Variants in WDR93 observed in about 807,000 individuals in gnomAD.
WDR93 encodes the protein WD repeat domain 93.
A neutral mutation model predicts 82.9 loss-of-function variants in WDR93; 73 were observed. The observed-to-expected ratio is 0.88, with a 90% CI of 0.73 to 1.07. The LOEUF (loss-of-function observed/expected upper bound fraction) is 1.07. Ranked by LOEUF, WDR93 falls within the 50% of genes least tolerant of loss-of-function variation. The pLI is 0.00. For synonymous variants in WDR93, 283 were observed against 300.1 expected (o/e 0.94, Z 0.59); for missense variants, 738 against 826.0 (o/e 0.89, Z 1.31).
chr15:89,729,211 G>C, intron 10 of WDR93, 118 bp downstream of exon 10: 1 of 981,718 alleles, frequency 1.0e-6, no homozygotes. Context: ...GGAATGAAGA[G>C]GGGAGTTTGG....
chr15:89,719,468 A>C (rs1966421184), intron 7 of WDR93: 1 of 152,142 alleles, frequency 6.6e-6, no homozygotes, highest in Non-Finnish European at 1.5e-5. Flanking sequence ...TAATTTGTCC[A>C]TTTTGTCTAA....
chr15:89,728,902 T>C, intron 9 of WDR93, 121 bp from the exon 10 acceptor site: 2 of 857,346 alleles, frequency 2.3e-6, no homozygotes, highest in Non-Finnish European at 4.0e-6. Flanking sequence ...CTTCATGGCC[T>C]TCTTACCCCT....
intron 1 of WDR93, among the ~76,000 whole-genome samples, chr15:89,694,027 C>A (rs1749762495): frequency 6.6e-6 from 1 of 152,138 alleles, no homozygotes; most frequent in Admixed American, 6.5e-5. Flanking sequence ...TGTGTATGAG[C>A]ATTCTTATTG....
intron 9 of WDR93, among the ~76,000 whole-genome samples, chr15:89,728,029 C>T (rs1421160847): frequency 6.6e-6 from 1 of 151,744 alleles, no homozygotes; most frequent in Non-Finnish European, 1.5e-5. Context: ...TGCAGTGAGG[C>T]GAGATCACGC....
In WDR93 at chr15:89,736,860, T is replaced by C. The variant is rs867237796; in HGVS notation, c.1609-713T>C. ...AGGCTGGAGTGCAGTGGTGCAATCT[T>C]GGCTCACTGCAAGCTCTGCCTCCCG... On this transcript the variant is annotated intron_variant, in intron 14 of 16. Coordinates refer to ENST00000268130, the MANE Select transcript of WDR93 (RefSeq NM_020212.2). Among the ~76,000 whole-genome samples, 128 of 151,576 alleles carry C rather than the reference T, an allele frequency of 8.4e-4. 1 individual carries two copies. Among genetic ancestry groups the C allele is most frequent in the Middle Eastern group, 6.8e-3 (2 of 292 alleles).
At chr15:89,708,113 G>T (rs1415717387) in intron 4 of WDR93, among the ~76,000 whole-genome samples, 2 of 152,154 alleles carry the variant, frequency 1.3e-5, no homozygotes, top group African/African-American at 2.4e-5. Flanking sequence ...AAACAGATCT[G>T]TTGTTGCCTG....
chr15:89,720,513 C>T (rs908743151), intron 7 of WDR93, among the ~76,000 whole-genome samples: 4 of 152,078 alleles, frequency 2.6e-5, no homozygotes, highest in Non-Finnish European at 4.4e-5. Flanking sequence ...CCTCGTGATT[C>T]GCCCGCCTCG....
chr15:89,694,548 T>A (rs545632337), intron 1 of WDR93, among the ~76,000 whole-genome samples: 208 of 152,306 alleles, frequency 1.4e-3, no homozygotes, highest in African/African-American at 4.8e-3. Context: ...TTACTTCTTT[T>A]ATTACTGAGT....
At chr15:89,700,287 C>T (rs1034237582) in intron 1 of WDR93, among the ~76,000 whole-genome samples, 1 of 152,154 alleles carries the variant, frequency 6.6e-6, no homozygotes, top group Non-Finnish European at 1.5e-5. Flanking sequence ...ACTCTCCCCA[C>T]TAATTACTTC....
chr15:89,729,575 C>A, intron 10 of WDR93, 108 bp from the exon 11 acceptor site: 2 of 831,588 alleles, frequency 2.4e-6, no homozygotes, highest in Non-Finnish European at 2.0e-6. Context: ...CCACTTCAGA[C>A]TTCAAACCAG....
At chr15:89,730,883 C>CAAAA (rs577117534) in intron 11 of WDR93, among the ~76,000 whole-genome samples, 1 of 140,758 alleles carries the variant, frequency 7.1e-6, no homozygotes. Context: ...GGCCCTGTCT[C>CAAAA]AAAAAAAAAA....
At chr15:89,734,986 CTCCTTCCT>C (rs143651353) in intron 13 of WDR93, among the ~76,000 whole-genome samples, 21 of 149,906 alleles carry the variant, frequency 1.4e-4, no homozygotes, top group African/African-American at 4.9e-4. Flanking sequence ...CCCTCCGTCC[CTCCTTCCT>C]TCCTTCCTTC....
intron 1 of WDR93, among the ~76,000 whole-genome samples, chr15:89,700,396 C>T (rs554199017): frequency 1.3e-5 from 2 of 152,264 alleles, no homozygotes; most frequent in East Asian, 3.9e-4. Context: ...ACAGTGGCAG[C>T]AGGGCTTTTA....
intron 7 of WDR93, among the ~76,000 whole-genome samples, chr15:89,718,398 C>T (rs1237188966): frequency 6.6e-6 from 1 of 151,358 alleles, no homozygotes; most frequent in Non-Finnish European, 1.5e-5. Context: ...CGCTTGAACC[C>T]GGGAGGCGGA....
chr15:89,695,290 GTCT>G (rs1164676172), intron 1 of WDR93, among the ~76,000 whole-genome samples: 1 of 152,102 alleles, frequency 6.6e-6, no homozygotes, highest in African/African-American at 2.4e-5. Flanking sequence ...ATTTATTTAG[GTCT>G]TCTTTAATTT....
In WDR93 at chr15:89,731,451, G is replaced by C. The variant is rs1308007676; in HGVS notation, c.1219G>C (p.Gly407Arg). The change falls in exon 12 of 17, where the codon GGT becomes CGT. Residue 407 changes from glycine (G) to arginine (R), a missense_variant. Physicochemically the swap from Gly to Arg is moderately radical, Grantham distance 125. Transcript: ENST00000268130. ...RTLKDKADPEGVWPCAAPIAV... is the reference protein window; with the variant it reads ...RTLKDKADPERVWPCAAPIAV... ...ATTGTCCTTCCCCCTAGACCCCGAG[G>C]GTGTGTGGCCCTGTGCTGCGCCCAT... 6.2e-7 allele frequency: 1 copy of C among 1,614,038 alleles called. No individual in the cohort carries two copies. Among genetic ancestry groups the C allele is most frequent in the Non-Finnish European group, 8.5e-7 (1 of 1,180,024 alleles).
chr15:89,703,998 T>G (rs1965602403), intron 3 of WDR93: 1 of 151,982 alleles, frequency 6.6e-6, no homozygotes, highest in East Asian at 1.9e-4. Flanking sequence ...GAGAGAAAAT[T>G]CTGAACATCT....
chr15:89,720,225 C>G (rs755658142), intron 7 of WDR93, among the ~76,000 whole-genome samples: 11 of 152,132 alleles, frequency 7.2e-5, no homozygotes, highest in Non-Finnish European at 1.3e-4. Flanking sequence ...TCATTCATTT[C>G]AAAGTACTTT....
intron 7 of WDR93, among the ~76,000 whole-genome samples, chr15:89,717,575 TGGGCCCCTG>T (rs1966321518): frequency 6.6e-6 from 1 of 152,186 alleles, no homozygotes; most frequent in Admixed American, 6.5e-5. Context: ...GCCCCTCACT[TGGGCCCCTG>T]GAAGGGGCCC....
Sources: allele counts gnomAD v4.1 joint callset (sites outside exome capture counted in the v4.1 genomes callset), GRCh38; gene constraint gnomAD v4.1.1; transcripts MANE v1.5; gene names NCBI Gene and HGNC (gene_info 2026-07-23, HGNC 2026-07-21).